Variants in PRH1 observed in about 807,000 individuals in gnomAD.
PRH1 encodes proline rich protein HaeIII subfamily 1, also known as salivary acidic proline-rich phosphoprotein 1/2.
In PRH1, 7 loss-of-function variants were observed where a neutral mutation model predicts 7.9. That is an observed-to-expected ratio of 0.89 (90% CI 0.50 to 1.67). The LOEUF is 1.67. Ranked by LOEUF, PRH1 falls within the 40% of genes most tolerant of loss-of-function variation. The pLI, the probability that PRH1 is intolerant of heterozygous loss-of-function variation, is 0.00. For missense variants in PRH1, 109 were observed against 223.6 expected (o/e 0.49, Z 3.27); for synonymous variants, 45 against 80.8 (o/e 0.56, Z 2.38).
Position 11,076,207 on chromosome 12 carries a change from C to T in PRH1, n.124-29019G>A, listed in dbSNP as rs1263407385. Reference sequence around the variant, plus strand: ...AGCTGTTCAGCAAGGCTGTACATTTCCTTCTTATAATAGAACTTGGTATCA... The same window carrying T: ...AGCTGTTCAGCAAGGCTGTACATTTTCTTCTTATAATAGAACTTGGTATCA... On this transcript the variant is annotated intron_variant and non_coding_transcript_variant, in intron 1 of 4. Transcript: ENST00000541977. 5.5e-5 allele frequency among the ~76,000 whole-genome samples: 8 copies of T among 146,266 alleles called. 1 individual carries two copies. In the East Asian group the frequency reaches 1.6e-3, roughly 28 times the overall value.
chr12:11,161,141 C>T (rs1947401648), intron 1 of PRH1, among the ~76,000 whole-genome samples: 1 of 151,208 alleles, frequency 6.6e-6, no homozygotes, highest in African/African-American at 2.4e-5. Context: ...CTCCTGGCTG[C>T]CTGGAATAAG....
intron 1 of PRH1, among the ~76,000 whole-genome samples, chr12:10,980,675 C>A (rs1420172832): frequency 1.3e-5 from 2 of 152,036 alleles, no homozygotes; most frequent in Non-Finnish European, 2.9e-5. Flanking sequence ...ACAAAACAAG[C>A]CCGATTGATT....
intron 1 of PRH1, among the ~76,000 whole-genome samples, chr12:11,125,440 A>C (rs1946083400): frequency 6.6e-6 from 1 of 152,292 alleles, no homozygotes; most frequent in Non-Finnish European, 1.5e-5. Flanking sequence ...TCTACTGCTT[A>C]TTTACATTCT....
chr12:11,117,203 C>G (rs1044741074), downstream of PRH1, among the ~76,000 whole-genome samples: 1 of 151,894 alleles, frequency 6.6e-6, no homozygotes, highest in Non-Finnish European at 1.5e-5. Flanking sequence ...AATTGATAAA[C>G]AAACTCAGTA....
At chr12:11,053,673 T>C (rs1164260808) in intron 1 of PRH1, among the ~76,000 whole-genome samples, 1 of 152,286 alleles carries the variant, frequency 6.6e-6, no homozygotes, top group Non-Finnish European at 1.5e-5. Context: ...ATAAGACAGA[T>C]GTAAATGTAG....
chr12:10,883,386 C>A (rs1949439957), intron 1 of PRH1, among the ~76,000 whole-genome samples: 1 of 152,198 alleles, frequency 6.6e-6, no homozygotes, highest in African/African-American at 2.4e-5. Flanking sequence ...TGATCCTCGG[C>A]ATGAAAATTC....
At chr12:11,077,480 G>T in intron 1 of PRH1, 1 of 939,590 alleles carries the variant, frequency 1.1e-6, no homozygotes, top group South Asian at 1.6e-5. Flanking sequence ...TTGTTCTGCT[G>T]TGTTCAAAGA....
Position 10,986,332 on chromosome 12 carries a change from A to T in PRH1, c.-125-12611T>A, listed in dbSNP as rs141901084. ...AAGCTCCATAGGGTAGTTACAGTCA[A>T]ATATGAAAGATGTACTGTATTCCTC... On this transcript the variant is annotated intron_variant, in intron 1 of 3. Coordinates refer to the PRH1 transcript ENST00000539853. 25 of 1,613,928 alleles carry T rather than the reference A, an allele frequency of 1.5e-5. No individual in the cohort carries two copies. Among genetic ancestry groups the T allele is most frequent in the Non-Finnish European group, 2.1e-5 (25 of 1,179,994 alleles).
At chr12:10,920,224 C>G (rs898100747) in intron 2 of PRH1, among the ~76,000 whole-genome samples, 1 of 147,186 alleles carries the variant, frequency 6.8e-6, no homozygotes, top group Non-Finnish European at 1.5e-5. Flanking sequence ...TACTGGATAC[C>G]CCTACCTTAA....
intron 1 of PRH1, among the ~76,000 whole-genome samples, chr12:11,149,886 T>C (rs2136422750): frequency 7.3e-6 from 1 of 137,624 alleles, no homozygotes; most frequent in South Asian, 2.2e-4. Flanking sequence ...ACAGGCAACC[T>C]ACAGAATGGG....
intron 2 of PRH1, among the ~76,000 whole-genome samples, chr12:10,945,780 T>C (rs1454825659): frequency 6.6e-6 from 1 of 152,132 alleles, no homozygotes; most frequent in Non-Finnish European, 1.5e-5. Flanking sequence ...ATCCCTCAGC[T>C]AAGACTGTAA....
At chr12:11,038,802 C>T (rs779470704) in intron 1 of PRH1, among the ~76,000 whole-genome samples, 17 of 111,396 alleles carry the variant, frequency 1.5e-4, no homozygotes, top group Non-Finnish European at 3.1e-4. Context: ...GGATGTGATC[C>T]TTCATCTTAA....
chr12:11,050,042 A>G (rs900696680), upstream of PRH1, among the ~76,000 whole-genome samples: 1 of 152,196 alleles, frequency 6.6e-6, no homozygotes, highest in African/African-American at 2.4e-5. Context: ...TCAGACAATG[A>G]ATAATATTTA....
chr12:11,063,185 G>T (rs1399631146), intron 1 of PRH1, among the ~76,000 whole-genome samples: 1 of 152,058 alleles, frequency 6.6e-6, no homozygotes, highest in African/African-American at 2.4e-5. Context: ...TTTAGCAATT[G>T]TATAAGAATT....
intron 1 of PRH1, among the ~76,000 whole-genome samples, chr12:11,064,470 C>T (rs1158829695): frequency 6.6e-6 from 1 of 152,028 alleles, no homozygotes; most frequent in Non-Finnish European, 1.5e-5. Context: ...TCTACTAGAG[C>T]ATTCTTTCAT....
chr12:11,021,236 A>C (rs1941610175), intron 1 of PRH1, among the ~76,000 whole-genome samples: 1 of 152,212 alleles, frequency 6.6e-6, no homozygotes. Flanking sequence ...TTTAAAATTG[A>C]ATGTCTTTAC....
intron 1 of PRH1, among the ~76,000 whole-genome samples, chr12:11,028,437 A>G (rs920784881): frequency 6.6e-6 from 1 of 152,196 alleles, no homozygotes; most frequent in Non-Finnish European, 1.5e-5. Context: ...GTCATACCAG[A>G]CATCACCACA....
chr12:11,152,169 T>C (rs977246710), intron 1 of PRH1, among the ~76,000 whole-genome samples: 10 of 151,754 alleles, frequency 6.6e-5, no homozygotes, highest in Middle Eastern at 3.4e-3. Flanking sequence ...GCCATGTTGG[T>C]GTGCAGCACC....
upstream of PRH1, chr12:11,048,740 G>A (rs1591888551): frequency 8.5e-6 from 3 of 352,128 alleles, no homozygotes; most frequent in Non-Finnish European, 1.7e-5. Context: ...TTTGAAAGCT[G>A]TATTGCATTC....
Sources: gnomAD v4.1 joint callset for allele counts (sites outside exome capture counted in the v4.1 genomes callset) on GRCh38, gnomAD v4.1.1 for gene constraint, MANE v1.5 for transcripts, NCBI Gene and HGNC (gene_info 2026-07-23, HGNC 2026-07-21) for gene names.